Variants in PABPC1 observed in about 807,000 individuals in gnomAD.
PABPC1 encodes poly(A) binding protein cytoplasmic 1, also known as polyadenylate-binding protein 1.
In PABPC1, 4 loss-of-function variants were observed where a neutral mutation model predicts 74.0. The ratio of observed to expected loss-of-function variants is 0.05; its 90% CI spans 0.03 to 0.12. The LOEUF (loss-of-function observed/expected upper bound fraction) is 0.12. Ranked by LOEUF, PABPC1 falls within the 10% of genes least tolerant of loss-of-function variation. The pLI, the probability that PABPC1 is intolerant of heterozygous loss-of-function variation, is 1.00. For missense variants in PABPC1, 271 were observed against 821.1 expected (o/e 0.33, Z 8.19); for synonymous variants, 227 against 264.1 (o/e 0.86, Z 1.36).
In PABPC1 at chr8:100,712,657, A is replaced by T. The variant is rs11146; in HGVS notation, c.871T>A (p.Tyr291Asn). The change falls in exon 6 of 15, where the codon TAC (tyrosine) becomes AAC (asparagine). Residue 291 changes from tyrosine to asparagine, a missense_variant. Transcript: ENST00000318607. ...EQMKQDRITR[Y>N]QGVNLYVKNL... Reference sequence around the variant, plus strand: ...TTGTTCAATTAAAAATGAACCTGGTATCTGGTGATCCTATCTTGTTTCATC... The same window carrying T: ...TTGTTCAATTAAAAATGAACCTGGTTTCTGGTGATCCTATCTTGTTTCATC... The T allele has an allele frequency of 6.3e-7, 1 of 1,599,468 alleles. No homozygotes were observed. Among genetic ancestry groups the T allele is most frequent in the Non-Finnish European group, 8.5e-7 (1 of 1,176,430 alleles).
intron 1 of PABPC1, among the ~76,000 whole-genome samples, chr8:100,720,373 T>A (rs1049133898): frequency 1.1e-4 from 16 of 152,236 alleles, no homozygotes; most frequent in African/African-American, 3.9e-4. Context: ...TCCGTTATTT[T>A]GTACTCAGTC....
intron 6 of PABPC1, 53 bp from the exon 7 acceptor site, chr8:100,712,510 G>C: frequency 6.9e-7 from 1 of 1,456,254 alleles, no homozygotes; most frequent in Non-Finnish European, 9.4e-7. Flanking sequence ...TGGTACCTAA[G>C]TACATCGGGT....
intron 7 of PABPC1, among the ~76,000 whole-genome samples, chr8:100,710,917 G>A (rs1448689142): frequency 2.0e-5 from 3 of 152,044 alleles, no homozygotes; most frequent in Non-Finnish European, 2.9e-5. Context: ...AACCCAGGGG[G>A]TGGAAGTTGC....
Position 100,709,257 on chromosome 8 carries a change from T to C in PABPC1, c.1246-34A>G, listed in dbSNP as rs759122827. On this transcript the variant is annotated intron_variant, in intron 8 of 14. Transcript: ENST00000318607. ...AAAAAAAGCACATGAGTTTATCAGT[T>C]GAAGAAAAAAGCAAATAATGCAATA... The C allele has an allele frequency of 3.1e-6, 5 of 1,590,500 alleles. No homozygotes were observed. In the Admixed American group the frequency reaches 5.0e-5, roughly 16 times the overall value.
rs766341329 is a variant in PABPC1, at chr8:100,712,479, T to C, written c.877-22A>G. 8 of 1,538,254 alleles carry C rather than the reference T, an allele frequency of 5.2e-6. No homozygotes were observed. In the South Asian group the frequency reaches 6.0e-5, roughly 12 times the overall value. ...CACCCTAAAAAGAAGAAAAGAAAAC[T>C]ATAGAAAAAGAAAACCATGGTGGTA... is the stretch of plus-strand genomic sequence containing the variant. On this transcript the variant is annotated intron_variant, in intron 6 of 14. Coordinates refer to ENST00000318607, the MANE Select transcript of PABPC1 (RefSeq NM_002568.4).
rs747310429 is a variant in PABPC1 at position 100,718,190 on chromosome 8, T to C, written c.284A>G (p.Lys95Arg). 10 of 1,614,120 alleles carry C rather than the reference T, an allele frequency of 6.2e-6. No homozygotes were observed. Among genetic ancestry groups the C allele is most frequent in the Middle Eastern group, 3.3e-4 (2 of 6,084 alleles). ...AATGAATATGTTGCCTACTCCACTTTTGCGAAGTGATGGATCACGCTGAGA... is the reference window on the plus strand; with the variant it reads ...AATGAATATGTTGCCTACTCCACTTCTGCGAAGTGATGGATCACGCTGAGA... ...MWSQRDPSLR[K>R]SGVGNIFIKN... The change falls in exon 2 of 15, where the codon AAA becomes AGA. Residue 95 changes from lysine (K) to arginine (R), a missense_variant. Lys to Arg is a conservative substitution (Grantham distance 26, BLOSUM62 2). Coordinates refer to ENST00000318607, the MANE Select transcript of PABPC1 (RefSeq NM_002568.4).
At chr8:100,708,028 G>C (rs1810427589) in intron 9 of PABPC1, among the ~76,000 whole-genome samples, 1 of 152,200 alleles carries the variant, frequency 6.6e-6, no homozygotes, top group Non-Finnish European at 1.5e-5. Flanking sequence ...ATTATAGAGT[G>C]AGGATTATTA....
chr8:100,703,689 C>T (rs1458137162), intron 14 of PABPC1, among the ~76,000 whole-genome samples: 1 of 152,120 alleles, frequency 6.6e-6, no homozygotes, highest in East Asian at 1.9e-4. Context: ...CCCAAGGGCA[C>T]CACCCAAAAA....
Position 100,705,518 on chromosome 8 carries a change from G to T in PABPC1, c.1687+71C>A. On this transcript the variant is annotated intron_variant, in intron 12 of 14. Coordinates refer to ENST00000318607, the MANE Select transcript of PABPC1 (RefSeq NM_002568.4). The stretch of plus-strand genomic sequence containing the variant: ...CCACTGCCCTAGCTGTCAATTGATT[G>T]ACCTAGTGCCTAAGTGATTCCTATA... 3.4e-6 allele frequency: 3 copies of T among 893,114 alleles called. No individual in the cohort carries two copies. The South Asian group carries it at 4.2e-5, about 12-fold the overall frequency. 55.3% of individuals were successfully genotyped at this position (893,114 alleles called of 1,614,324 possible).
intron 11 of PABPC1, among the ~76,000 whole-genome samples, chr8:100,706,434 C>T (rs7822012): frequency 0.012 from 1,859 of 152,186 alleles, 20 homozygotes; most frequent in African/African-American, 0.041. Flanking sequence ...GCTAGGACTA[C>T]AGGCTTATGC....
chr8:100,718,291 G>A lies in PABPC1; in HGVS notation c.194-11C>T, dbSNP rs754724722. ...CCAAAGCACGCTCCGCTGCAGGAAGGACATTTTCAGAGTCAATATTACTTC... is the reference window on the plus strand; with the variant it reads ...CCAAAGCACGCTCCGCTGCAGGAAGAACATTTTCAGAGTCAATATTACTTC... On this transcript the variant is annotated splice_polypyrimidine_tract_variant and intron_variant, in intron 1 of 14. Coordinates refer to ENST00000318607, the MANE Select transcript of PABPC1 (RefSeq NM_002568.4). The A allele has an allele frequency of 1.7e-5, 28 of 1,603,276 alleles. No individual in the cohort carries two copies. The highest frequency in any genetic ancestry group is 5.5e-5 in the South Asian group (5 of 90,298).
chr8:100,711,277 T>TA (rs756871076), intron 7 of PABPC1, among the ~76,000 whole-genome samples: 1 of 150,784 alleles, frequency 6.6e-6, no homozygotes, highest in Non-Finnish European at 1.5e-5. Context: ...GACTCGTCTT[T>TA]AAAAAAGACA....
At chr8:100,704,899 G>T in intron 13 of PABPC1, 27 bp downstream of exon 13, 2 of 1,610,186 alleles carry the variant, frequency 1.2e-6, no homozygotes, top group Non-Finnish European at 1.7e-6. Context: ...TGTGTAAGAG[G>T]CAACTTGGTA....
chr8:100,716,013 G>A (rs1356548482), intron 3 of PABPC1, among the ~76,000 whole-genome samples: 2 of 152,164 alleles, frequency 1.3e-5, no homozygotes, highest in African/African-American at 2.4e-5. Context: ...CTTCCCAATC[G>A]TGTACTCTAA....
In PABPC1 at chr8:100,713,070, G is replaced by A. The variant is rs2129719400; in HGVS notation, c.738+17C>T. On this transcript the variant is annotated intron_variant, in intron 5 of 14. Coordinates refer to ENST00000318607, the MANE Select transcript of PABPC1 (RefSeq NM_002568.4). ...AACTTTGTACCCCCTTCTTCCTGCT[G>A]AATACAGACCACTTACTTTCTGTGC... 2 of 1,562,986 alleles carry A rather than the reference G, an allele frequency of 1.3e-6. No homozygotes were observed. Among genetic ancestry groups the A allele is most frequent in the South Asian group, 1.2e-5 (1 of 86,156 alleles).
chr8:100,709,094 A>G, intron 9 of PABPC1, 39 bp downstream of exon 9: 1 of 1,471,476 alleles, frequency 6.8e-7, no homozygotes, highest in Non-Finnish European at 9.5e-7. Flanking sequence ...GTTATTTTTA[A>G]CTCAATCCCC....
In PABPC1 at chr8:100,704,915, A is replaced by G. The variant is rs770855282; in HGVS notation, c.1818+11T>C. ...GTGTAAGAGGCAACTTGGTAAATAAATTTAAATCACCTTAGAACGGAGTGA... is the reference window on the plus strand; with the variant it reads ...GTGTAAGAGGCAACTTGGTAAATAAGTTTAAATCACCTTAGAACGGAGTGA... On this transcript the variant is annotated intron_variant, in intron 13 of 14. Transcript: ENST00000318607. 2 of 1,608,812 alleles carry G rather than the reference A, an allele frequency of 1.2e-6. No individual in the cohort carries two copies. The highest frequency in any genetic ancestry group is 1.7e-6 in the Non-Finnish European group (2 of 1,177,892).
chr8:100,705,978 G>A (rs901830382), intron 11 of PABPC1, among the ~76,000 whole-genome samples: 1 of 152,214 alleles, frequency 6.6e-6, no homozygotes, highest in Non-Finnish European at 1.5e-5. Context: ...CTCCCCAGTA[G>A]CTGGGATTAC....
chr8:100,717,020 A>AT (rs113475096), intron 3 of PABPC1, among the ~76,000 whole-genome samples: 26 of 151,622 alleles, frequency 1.7e-4, no homozygotes, highest in African/African-American at 5.3e-4. Flanking sequence ...GTATTTATTT[A>AT]TTTTTTTTAA....
Sources: gnomAD v4.1 joint callset for allele counts (sites outside exome capture counted in the v4.1 genomes callset) on GRCh38, gnomAD v4.1.1 for gene constraint, MANE v1.5 for transcripts, NCBI Gene and HGNC (gene_info 2026-07-23, HGNC 2026-07-21) for gene names.